The following MAGI2 variants were observed in gnomAD, a reference collection of about 807,000 sequenced individuals.
MAGI2 encodes the protein membrane-associated guanylate kinase, WW and PDZ domain-containing protein 2.
Under a neutral mutation model 133.3 loss-of-function variants are expected in MAGI2, and 35 were observed. The observed-to-expected ratio is 0.26, with a 90% CI of 0.20 to 0.35. MAGI2 has a LOEUF of 0.35. Ranked by LOEUF, MAGI2 falls within the 10% of genes least tolerant of loss-of-function variation. The probability of loss-of-function intolerance (pLI) is 1.00; values close to 1 mark genes in which losing one functional copy is unlikely to be tolerated. For synonymous variants in MAGI2, 729 were observed against 710.6 expected (o/e 1.03, Z -0.41); for missense variants, 1,636 against 1,863.4 (o/e 0.88, Z 2.25).
chr7:78,048,066 A>G (rs1484513120), intron 21 of MAGI2, among the ~76,000 whole-genome samples: 1 of 152,168 alleles, frequency 6.6e-6, no homozygotes, highest in Non-Finnish European at 1.5e-5. Context: ...TAATCTTTCC[A>G]TTCCTAACAG....
At chr7:78,547,639 A>G (rs1334252887) in intron 3 of MAGI2, among the ~76,000 whole-genome samples, 1 of 152,226 alleles carries the variant, frequency 6.6e-6, no homozygotes, top group Non-Finnish European at 1.5e-5. Context: ...ATGCCATTCT[A>G]TCACAAGGCA....
chr7:78,152,333 C>A (rs779867575), intron 16 of MAGI2, among the ~76,000 whole-genome samples: 7 of 152,092 alleles, frequency 4.6e-5, no homozygotes, highest in South Asian at 4.2e-4. Context: ...TGGAATGGAA[C>A]CTGTGAGGAG....
intron 10 of MAGI2, among the ~76,000 whole-genome samples, chr7:78,248,475 T>C (rs1792031933): frequency 6.6e-6 from 1 of 152,142 alleles, no homozygotes; most frequent in Non-Finnish European, 1.5e-5. Context: ...AGACACAGAT[T>C]TGCTGAATAG....
intron 4 of MAGI2, among the ~76,000 whole-genome samples, chr7:78,515,008 G>C (rs1188103689): frequency 6.6e-6 from 1 of 152,182 alleles, no homozygotes; most frequent in Non-Finnish European, 1.5e-5. Context: ...TTGTGTGTGT[G>C]TGTGTCTGTA....
At chr7:78,583,659 C>A (rs975256996) in intron 3 of MAGI2, among the ~76,000 whole-genome samples, 1 of 151,954 alleles carries the variant, frequency 6.6e-6, no homozygotes, top group African/African-American at 2.4e-5. Context: ...AGATTAGATC[C>A]AAGCTGAATA....
intron 1 of MAGI2, among the ~76,000 whole-genome samples, chr7:79,364,917 AAT>A (rs1491421839): frequency 9.2e-5 from 12 of 129,960 alleles, no homozygotes; most frequent in East Asian, 2.2e-4. Context: ...TTAAAAAAAA[AAT>A]ACTTTTGCTC....
intron 1 of MAGI2, among the ~76,000 whole-genome samples, chr7:79,170,323 C>A (rs990399402): frequency 6.6e-6 from 1 of 151,138 alleles, no homozygotes; most frequent in Non-Finnish European, 1.5e-5. Context: ...CAGGCATGTG[C>A]CACCATTCCT....
In MAGI2 at chr7:79,437,432, T is replaced by C. The variant is rs976623047; in HGVS notation, c.301+15588A>G. Among the ~76,000 whole-genome samples, 52 of 152,042 alleles carry C rather than the reference T, an allele frequency of 3.4e-4. 1 individual carries two copies. The highest frequency in any genetic ancestry group is 3.2e-3 in the Admixed American group (49 of 15,250). ...TACAGGATGGTTTTTGATACATATA[T>C]ACACACACACATGCATACACACACA... is the stretch of plus-strand genomic sequence containing the variant. On this transcript the variant is annotated intron_variant, in intron 1 of 21. Coordinates refer to ENST00000354212, the MANE Select transcript of MAGI2 (RefSeq NM_012301.4).
intron 10 of MAGI2, among the ~76,000 whole-genome samples, chr7:78,235,320 T>C (rs1790413631): frequency 1.3e-5 from 2 of 152,150 alleles, no homozygotes; most frequent in Non-Finnish European, 2.9e-5. Flanking sequence ...ATTACTACTG[T>C]TGATTAGAAG....
At chr7:78,916,745 T>TA (rs988188696) in intron 2 of MAGI2, among the ~76,000 whole-genome samples, 56 of 151,974 alleles carry the variant, frequency 3.7e-4, no homozygotes, top group Middle Eastern at 6.8e-3. Flanking sequence ...AGTGTACCTG[T>TA]AAAAAAAAGA....
chr7:78,567,789 C>A (rs1240322665), intron 3 of MAGI2, among the ~76,000 whole-genome samples: 1 of 152,122 alleles, frequency 6.6e-6, no homozygotes, highest in African/African-American at 2.4e-5. Flanking sequence ...TTTCACCCCC[C>A]ATCTCCCAAC....
chr7:78,270,960 T>C (rs894287185), intron 9 of MAGI2, among the ~76,000 whole-genome samples: 1 of 152,202 alleles, frequency 6.6e-6, no homozygotes, highest in East Asian at 1.9e-4. Flanking sequence ...TTTTTTTCTT[T>C]CTCTTGCCTG....
At chr7:78,564,121 C>T (rs1800686152) in intron 3 of MAGI2, among the ~76,000 whole-genome samples, 2 of 152,096 alleles carry the variant, frequency 1.3e-5, no homozygotes, top group Non-Finnish European at 2.9e-5. Context: ...ATATGCTGTA[C>T]CACGCCAAGG....
rs148685206 is a variant in MAGI2, at chr7:78,230,113, C to T, written c.2047+25830G>A. 4.1e-3 allele frequency among the ~76,000 whole-genome samples: 622 copies of T among 152,330 alleles called. 4 individuals are homozygous for T. The highest frequency in any genetic ancestry group is 7.7e-3 in the Non-Finnish European group (521 of 68,030). On this transcript the variant is annotated intron_variant, in intron 10 of 21. Transcript: ENST00000354212. ...TCAAGTATCGCTCAGGGGAATAGCACTAGAACTAATTAGACCAAACACTGT... is the reference window on the plus strand; with the variant it reads ...TCAAGTATCGCTCAGGGGAATAGCATTAGAACTAATTAGACCAAACACTGT...
intron 1 of MAGI2, among the ~76,000 whole-genome samples, chr7:79,214,720 T>A (rs986031821): frequency 2.1e-5 from 3 of 139,630 alleles, no homozygotes; most frequent in Non-Finnish European, 3.1e-5. Flanking sequence ...TAAATATAAA[T>A]ATATAAATAT....
intron 3 of MAGI2, among the ~76,000 whole-genome samples, chr7:78,530,088 C>G (rs1797334556): frequency 6.6e-6 from 1 of 152,110 alleles, no homozygotes; most frequent in Admixed American, 6.6e-5. Flanking sequence ...CAGATAATCC[C>G]TTTCATCAAA....
At chr7:78,186,030 C>T (rs1827663829) in intron 12 of MAGI2, among the ~76,000 whole-genome samples, 1 of 151,866 alleles carries the variant, frequency 6.6e-6, no homozygotes, top group South Asian at 2.1e-4. Flanking sequence ...AAATATAGGT[C>T]CTTTAAAATT....
intron 14 of MAGI2, among the ~76,000 whole-genome samples, chr7:78,171,901 GT>G (rs11294809): frequency 0.63 from 94,539 of 151,168 alleles, 29,716 homozygotes; most frequent in African/African-American, 0.7. Flanking sequence ...TTGTTTGTTT[GT>G]TTTTTTTTCC....
intron 6 of MAGI2, among the ~76,000 whole-genome samples, chr7:78,378,594 A>G (rs1217938941): frequency 6.6e-6 from 1 of 152,080 alleles, no homozygotes. Context: ...ACTCTCAAAG[A>G]AAGTGTGAGC....
Sources: gnomAD v4.1 joint callset for allele counts (sites outside exome capture counted in the v4.1 genomes callset) on GRCh38, gnomAD v4.1.1 for gene constraint, MANE v1.5 for transcripts, NCBI Gene and HGNC (gene_info 2026-07-23, HGNC 2026-07-21) for gene names.